The following MAP3K13 variants were observed in gnomAD, a reference collection of about 807,000 sequenced individuals.
The protein encoded by MAP3K13 is mitogen-activated protein kinase kinase kinase 13, also known as leucine zipper-bearing kinase.
MAP3K13 carries 52 observed loss-of-function variants against 104.0 expected under a neutral mutation model. That is an observed-to-expected ratio of 0.50 (90% CI 0.40 to 0.63). The LOEUF is 0.63. Ranked by LOEUF, MAP3K13 falls within the 20% of genes least tolerant of loss-of-function variation. The probability of loss-of-function intolerance (pLI) is 0.00; values close to 1 mark genes in which losing one functional copy is unlikely to be tolerated. For synonymous variants in MAP3K13, 394 were observed against 442.2 expected, an observed-to-expected ratio of 0.89 and a Z score of 1.37; for missense variants, 914 against 1,218.5, an observed-to-expected ratio of 0.75 and a Z score of 3.72.
At position 185,451,165 on chromosome 3, in the gene MAP3K13, C is replaced by T. The variant is rs145873017; in HGVS notation, c.1170-122C>T. 592 of 625,632 alleles carry T rather than the reference C, an allele frequency of 9.5e-4. 3 individuals are homozygous for T. The African/African-American group carries it at 0.01, about 11-fold the overall frequency. The allele number at this position is 625,632 out of a possible 1,614,324, so 38.8% of individuals were successfully genotyped here. ...TATGCTATCCTGATATAATGGAGTA[C>T]AGCTGGTTTTACTCAGATATAGCCA... is the stretch of plus-strand genomic sequence containing the variant. On this transcript the variant is annotated intron_variant, in intron 6 of 13. Transcript: ENST00000265026.
At chr3:185,458,480 A>G (rs1003595016) in intron 7 of MAP3K13, among the ~76,000 whole-genome samples, 2 of 152,088 alleles carry the variant, frequency 1.3e-5, no homozygotes, top group African/African-American at 4.8e-5. Context: ...GCTTTGTACT[A>G]AGTACAAAAA....
chr3:185,394,563 A>G (rs937481677), intron 1 of MAP3K13, among the ~76,000 whole-genome samples: 1 of 152,228 alleles, frequency 6.6e-6, no homozygotes, highest in Non-Finnish European at 1.5e-5. Context: ...CAGATCATAT[A>G]GCTACATAAC....
rs1460002273 is a variant in MAP3K13 at position 185,450,276 on chromosome 3, GTAAT to G, written c.1169+226_1169+229del. Among the ~76,000 whole-genome samples, 1 of 152,050 alleles carries G rather than the reference GTAAT, an allele frequency of 6.6e-6. No individual in the cohort carries two copies. The highest frequency in any genetic ancestry group is 1.9e-4 in the East Asian group (1 of 5,196). ...CACTGACTCATAGAGTTATTGTGTTGTAATTAATTAAAATTTAGAAATAAAGAAC... is the reference window on the plus strand; with the variant it reads ...CACTGACTCATAGAGTTATTGTGTTGTAATTAAAATTTAGAAATAAAGAAC... On this transcript the variant is annotated intron_variant, in intron 6 of 13. Transcript: ENST00000265026. This position sits in a 1 kb window ranked among gnomAD's most constrained non-coding sequence, Gnocchi z 4.2.
At chr3:185,452,720 A>T (rs1282666031) in intron 7 of MAP3K13, among the ~76,000 whole-genome samples, 1 of 152,024 alleles carries the variant, frequency 6.6e-6, no homozygotes, top group Non-Finnish European at 1.5e-5. Context: ...CACGCACCTG[A>T]CCACTGGCTG....
intron 2 of MAP3K13, among the ~76,000 whole-genome samples, chr3:185,356,874 G>C (rs1723376582): frequency 6.7e-6 from 1 of 148,710 alleles, no homozygotes; most frequent in African/African-American, 2.6e-5. Context: ...ATGTATGTAT[G>C]TATGTATGTA....
chr3:185,378,997 A>C (rs888263696), intron 1 of MAP3K13, among the ~76,000 whole-genome samples: 1 of 152,148 alleles, frequency 6.6e-6, no homozygotes, highest in African/African-American at 2.4e-5. Flanking sequence ...CTAAGGGAAA[A>C]GGAGGAATGA....
intron 2 of MAP3K13, among the ~76,000 whole-genome samples, chr3:185,346,542 T>C (rs982417560): frequency 6.6e-6 from 1 of 152,226 alleles, no homozygotes; most frequent in African/African-American, 2.4e-5. Flanking sequence ...TCATAATTTA[T>C]TTAATACCTT....
intron 1 of MAP3K13, among the ~76,000 whole-genome samples, chr3:185,427,411 T>C (rs896528674): frequency 6.6e-6 from 1 of 152,054 alleles, no homozygotes; most frequent in Non-Finnish European, 1.5e-5. Flanking sequence ...AGATTGACTA[T>C]GCGTGATCTG....
rs200169802 is a variant in MAP3K13 at position 185,365,673 on chromosome 3, AT to A, written c.-86+2306del. 7.6e-4 allele frequency among the ~76,000 whole-genome samples: 116 copies of A among 152,300 alleles called. No homozygotes were observed. In the Middle Eastern group the frequency reaches 0.01, roughly 13 times the overall value. Reference sequence around the variant, plus strand: ...AACAGTTTGTTGCAAAAAAATAAAAATAAAAAAATCACACCCTTGCTCTGTG... The same window carrying A: ...AACAGTTTGTTGCAAAAAAATAAAAAAAAAAAATCACACCCTTGCTCTGTG... On this transcript the variant is annotated intron_variant, in intron 1 of 13. Coordinates refer to ENST00000265026, the MANE Select transcript of MAP3K13 (RefSeq NM_004721.5).
At chr3:185,447,676 T>A in intron 4 of MAP3K13, 113 bp from the exon 5 acceptor site, 1 of 768,638 alleles carries the variant, frequency 1.3e-6, no homozygotes, top group African/African-American at 1.7e-5. Context: ...AACTGCAAGC[T>A]GAATGCTACA....
intron 1 of MAP3K13, among the ~76,000 whole-genome samples, chr3:185,397,269 G>GT (rs1023145476): frequency 6.6e-6 from 1 of 152,164 alleles, no homozygotes; most frequent in Non-Finnish European, 1.5e-5. Context: ...TTCACAGAAT[G>GT]TTTTTTCTAA....
At position 185,300,451 on chromosome 3, in the gene MAP3K13, G is replaced by T. The variant is rs1577404283; in HGVS notation, c.-86+14808G>T. Among the ~76,000 whole-genome samples, 4 of 151,752 alleles carry T rather than the reference G, an allele frequency of 2.6e-5. No homozygotes were observed. The Middle Eastern group carries it at 0.014, about 520-fold the overall frequency. On this transcript the variant is annotated intron_variant, in intron 2 of 14. Transcript: ENST00000424227. ...GGCCTCCCAAAGTGCTGGGATTACA[G>T]GCGTGAGCCACCACGCCCGGCCCTA...
chr3:185,361,622 T>A (rs941846355), upstream of MAP3K13, among the ~76,000 whole-genome samples: 1 of 152,164 alleles, frequency 6.6e-6, no homozygotes, highest in African/African-American at 2.4e-5. Context: ...GCCAGGATGG[T>A]CTCGATCCCT....
At chr3:185,449,040 A>C (rs1311299652) in intron 5 of MAP3K13, among the ~76,000 whole-genome samples, 2 of 152,058 alleles carry the variant, frequency 1.3e-5, no homozygotes, top group Non-Finnish European at 2.9e-5. Context: ...TTAATTTCTC[A>C]ATTTCTCCTT....
chr3:185,377,503 A>C (rs945298522), intron 1 of MAP3K13, among the ~76,000 whole-genome samples: 2 of 152,182 alleles, frequency 1.3e-5, no homozygotes, highest in African/African-American at 4.8e-5. Context: ...TAATTTAGTT[A>C]AAATGTCTTG....
At chr3:185,299,223 G>C (rs1721015846) in intron 2 of MAP3K13, among the ~76,000 whole-genome samples, 1 of 152,246 alleles carries the variant, frequency 6.6e-6, no homozygotes, top group Admixed American at 6.5e-5. Flanking sequence ...CTTTTGAAGA[G>C]AGACAGGACA....
Position 185,451,282 on chromosome 3 carries a change from T to G in MAP3K13, c.1170-5T>G. Reference sequence around the variant, plus strand: ...AAATGCACAAACTGTCTTTTTCACTTTTAGGCAGAGTAAACCTCGAAACCG... The same window carrying G: ...AAATGCACAAACTGTCTTTTTCACTGTTAGGCAGAGTAAACCTCGAAACCG... On this transcript the variant is annotated splice_polypyrimidine_tract_variant and splice_region_variant and intron_variant, in intron 6 of 13. Transcript: ENST00000265026. The G allele has an allele frequency of 1.2e-6, 2 of 1,602,224 alleles. No homozygotes were observed. Among genetic ancestry groups the G allele is most frequent in the Non-Finnish European group, 1.7e-6 (2 of 1,173,356 alleles).
At position 185,438,310 on chromosome 3, in the gene MAP3K13, G is replaced by GAAGAAAGA. The variant is rs3076249; in HGVS notation, c.659+693_659+700dup. Among the ~76,000 whole-genome samples the GAAGAAAGA allele has an allele frequency of 6.1e-3, 908 of 150,032 alleles. 10 individuals carry two copies. Among genetic ancestry groups the GAAGAAAGA allele is most frequent in the African/African-American group, 0.016 (665 of 40,814 alleles). On this transcript the variant is annotated intron_variant, in intron 3 of 13. Transcript: ENST00000265026. ...GACCCTGAAAAAAAAAGGAAAGAAA[G>GAAGAAAGA]AAGAAAGAAAGAAAGAAAGAGACAA... is the stretch of plus-strand genomic sequence containing the variant.
chr3:185,397,174 C>G (rs1712476196), intron 1 of MAP3K13, among the ~76,000 whole-genome samples: 3 of 152,176 alleles, frequency 2.0e-5, no homozygotes, highest in African/African-American at 7.2e-5. Context: ...GATAGATGTG[C>G]CCCACATTGA....
Sources: allele counts gnomAD v4.1 joint callset (sites outside exome capture counted in the v4.1 genomes callset), GRCh38; gene constraint gnomAD v4.1.1; non-coding constraint Gnocchi (gnomAD v3.1); transcripts MANE v1.5; gene names NCBI Gene and HGNC (gene_info 2026-07-23, HGNC 2026-07-21).